Variants in ACVR1 observed in about 807,000 individuals in gnomAD.
The protein encoded by ACVR1 is activin A receptor type 1.
A neutral mutation model predicts 57.1 loss-of-function variants in ACVR1; 38 were observed. That is an observed-to-expected ratio of 0.67 (90% CI 0.51 to 0.87). The LOEUF is 0.87. Among genes scored for constraint, ACVR1 ranks in the 40% least tolerant of loss-of-function variants. ACVR1 has a pLI of 0.00. For synonymous variants in ACVR1, 212 were observed against 228.1 expected, an observed-to-expected ratio of 0.93 and a Z score of 0.63; for missense variants, 463 against 638.2, an observed-to-expected ratio of 0.73 and a Z score of 2.96.
At chr2:157,797,376 C>T (rs1050750219) in intron 3 of ACVR1, among the ~76,000 whole-genome samples, 1 of 151,992 alleles carries the variant, frequency 6.6e-6, no homozygotes, top group Non-Finnish European at 1.5e-5. Context: ...GAAGACCATA[C>T]CCCAAAGAAC....
intron 1 of ACVR1, among the ~76,000 whole-genome samples, chr2:157,868,590 C>T (rs1250649945): frequency 6.6e-6 from 1 of 152,124 alleles, no homozygotes; most frequent in Admixed American, 6.5e-5. Flanking sequence ...TGGAATGTTG[C>T]CTATGCTACA....
intron 3 of ACVR1, among the ~76,000 whole-genome samples, chr2:157,798,213 T>C (rs1271739431): frequency 6.6e-6 from 1 of 152,068 alleles, no homozygotes; most frequent in Non-Finnish European, 1.5e-5. Flanking sequence ...ACACAAAGTA[T>C]GTATGTCTTA....
chr2:157,869,146 T>G lies in ACVR1; in HGVS notation c.-183+6650A>C, dbSNP rs1472709329. On this transcript the variant is annotated intron_variant, in intron 1 of 10. Coordinates refer to ENST00000434821, the MANE Select transcript of ACVR1 (RefSeq NM_001111067.4). ...AGTTAAGTGGCTCCTGCCACCATTC[T>G]AAATGAATCAGCCCCACCTTTGATG... Among the ~76,000 whole-genome samples the G allele has an allele frequency of 2.0e-5, 3 of 152,198 alleles. No homozygotes were observed. The East Asian group carries it at 5.8e-4, about 29-fold the overall frequency.
intron 9 of ACVR1, among the ~76,000 whole-genome samples, chr2:157,749,867 C>T (rs1006621501): frequency 5.3e-5 from 8 of 152,214 alleles, no homozygotes; most frequent in African/African-American, 1.9e-4. Flanking sequence ...CCACAGCCTG[C>T]ACCCATGTGC....
At chr2:157,757,140 G>A (rs1401162423) in intron 9 of ACVR1, among the ~76,000 whole-genome samples, 1 of 149,964 alleles carries the variant, frequency 6.7e-6, no homozygotes, top group Non-Finnish European at 1.5e-5. Flanking sequence ...ACTAAATCAA[G>A]CAGAAGAAAG....
chr2:157,864,994 A>T (rs866528137), intron 1 of ACVR1, among the ~76,000 whole-genome samples: 8 of 151,850 alleles, frequency 5.3e-5, no homozygotes, highest in Non-Finnish European at 1.0e-4. Flanking sequence ...TCTGCTTTTA[A>T]TGTAAAGCAC....
At chr2:157,851,030 C>T (rs1689280565) in intron 1 of ACVR1, among the ~76,000 whole-genome samples, 1 of 152,036 alleles carries the variant, frequency 6.6e-6, no homozygotes, top group African/African-American at 2.4e-5. Context: ...ACAGATCTAT[C>T]TTAACAGATT....
chr2:157,737,068 A>G lies in ACVR1; in HGVS notation c.*463T>C. The G allele has an allele frequency of 3.7e-6, 1 of 273,652 alleles. No individual in the cohort carries two copies. Among genetic ancestry groups the G allele is most frequent in the South Asian group, 9.4e-5 (1 of 10,648 alleles). 17.0% of individuals were successfully genotyped at this position (273,652 alleles called of 1,614,324 possible). ...TTTGGCAAGTTGGGTCTTTAAAATTAAGAGTAACAGTGCAAGTAAGGAATG... is the reference window on the plus strand; with the variant it reads ...TTTGGCAAGTTGGGTCTTTAAAATTGAGAGTAACAGTGCAAGTAAGGAATG... On this transcript the variant is annotated 3_prime_UTR_variant, in exon 11 of 11. Coordinates refer to ENST00000434821, the MANE Select transcript of ACVR1 (RefSeq NM_001111067.4).
At chr2:157,860,313 C>T (rs1429990031) in intron 1 of ACVR1, 1 of 152,358 alleles carries the variant, frequency 6.6e-6, no homozygotes, top group African/African-American at 2.4e-5. Flanking sequence ...CCGCTAAACC[C>T]GGACAGTCAG....
intron 6 of ACVR1, among the ~76,000 whole-genome samples, chr2:157,772,363 C>T (rs1350067225): frequency 6.6e-6 from 1 of 152,146 alleles, no homozygotes; most frequent in Non-Finnish European, 1.5e-5. Flanking sequence ...CCAAAAATAA[C>T]ATACCATCCA....
rs568723343 is a variant in ACVR1, at chr2:157,829,596, C to T, written c.-182-11037G>A. Among the ~76,000 whole-genome samples, 5 of 152,294 alleles carry T rather than the reference C, an allele frequency of 3.3e-5. No homozygotes were observed. In the South Asian group the frequency reaches 1.0e-3, roughly 32 times the overall value. On this transcript the variant is annotated intron_variant, in intron 1 of 10. Transcript: ENST00000434821. ...AGTTATCATCTCATAGGTACCCTCA[C>T]CCTAATTGTATCTTACAGCTCCCTG...
intron 1 of ACVR1, among the ~76,000 whole-genome samples, chr2:157,854,565 A>G (rs1384106732): frequency 6.6e-6 from 1 of 152,032 alleles, no homozygotes; most frequent in Non-Finnish European, 1.5e-5. Context: ...TACTAAAAAT[A>G]CAAAAAAATT....
chr2:157,778,207 C>T lies in ACVR1; in HGVS notation c.467G>A (p.Arg156His), dbSNP rs755732603. The T allele has an allele frequency of 4.3e-6, 7 of 1,614,014 alleles. No homozygotes were observed. Among genetic ancestry groups the T allele is most frequent in the East Asian group, 4.5e-5 (2 of 44,866 alleles). Residue 156 changes from arginine to histidine, a missense_variant, in exon 5 of 11, where the codon CGC becomes CAC. Physicochemically the swap from Arg to His is conservative, Grantham distance 29. Around this residue, in one of 3 missense-constraint regions of ACVR1, gnomAD observed 203 missense variants for 235.5 expected, o/e 0.86. Coordinates refer to ENST00000434821, the MANE Select transcript of ACVR1 (RefSeq NM_001111067.4). ...LRKFKRRNQE[R>H]LNPRDVEYGT... is the part of the protein sequence containing the mutation. ...ATACTCCACGTCTCGGGGATTGAGG[C>T]GTTCTTGGTTGCGCCTTTTAAATTT...
At chr2:157,746,583 G>A (rs941783388) in intron 9 of ACVR1, among the ~76,000 whole-genome samples, 3 of 152,210 alleles carry the variant, frequency 2.0e-5, no homozygotes, top group Non-Finnish European at 2.9e-5. Context: ...TGGGTACACC[G>A]TCTTTTTTCA....
intron 1 of ACVR1, among the ~76,000 whole-genome samples, chr2:157,853,065 T>A (rs1343520240): frequency 2.0e-5 from 3 of 152,234 alleles, no homozygotes; most frequent in African/African-American, 7.2e-5. Flanking sequence ...AACGACTTGT[T>A]CCATGCCCAA....
chr2:157,767,021 ATTTTTC>A (rs1207427074), intron 7 of ACVR1, among the ~76,000 whole-genome samples: 3 of 150,472 alleles, frequency 2.0e-5, no homozygotes, highest in African/African-American at 5.0e-5. Flanking sequence ...GTTGGAGAAG[ATTTTTC>A]TTTTTCTTTT....
intron 9 of ACVR1, among the ~76,000 whole-genome samples, chr2:157,744,706 A>G (rs1684898682): frequency 6.6e-6 from 1 of 152,246 alleles, no homozygotes. Context: ...GGTATATCCA[A>G]TATTTGGGTT....
At chr2:157,742,338 AAAC>A (rs1249218362) in intron 9 of ACVR1, among the ~76,000 whole-genome samples, 10 of 152,358 alleles carry the variant, frequency 6.6e-5, no homozygotes, top group East Asian at 5.8e-4. Context: ...TGAGCAGTGC[AAAC>A]AACAAATGAC....
At chr2:157,798,259 T>C (rs1687193122) in intron 3 of ACVR1, among the ~76,000 whole-genome samples, 2 of 151,946 alleles carry the variant, frequency 1.3e-5, no homozygotes, top group Admixed American at 6.6e-5. Context: ...TCCAAACATA[T>C]AACTAGTATA....
Sources: allele counts gnomAD v4.1 joint callset (sites outside exome capture counted in the v4.1 genomes callset), GRCh38; gene constraint gnomAD v4.1.1; regional missense constraint gnomAD v4.1.1; transcripts MANE v1.5; gene names NCBI Gene and HGNC (gene_info 2026-07-23, HGNC 2026-07-21).